Variants in CHSY3 observed in about 807,000 individuals in gnomAD.
CHSY3 encodes chondroitin sulfate synthase 3, also known as N-acetylgalactosaminyl-proteoglycan 3-beta-glucuronosyltransferase 3.
Under a neutral mutation model 67.2 loss-of-function variants are expected in CHSY3, and 35 were observed. The observed-to-expected ratio is 0.52, with a 90% CI of 0.40 to 0.69. CHSY3 has a LOEUF of 0.69. Ranked by LOEUF, CHSY3 falls within the 30% of genes least tolerant of loss-of-function variation. CHSY3 has a pLI of 0.00. For synonymous variants in CHSY3, 474 were observed against 434.7 expected, an observed-to-expected ratio of 1.09 and a Z score of -1.12; for missense variants, 1,069 against 1,138.5, an observed-to-expected ratio of 0.94 and a Z score of 0.88.
At chr5:130,078,673 T>C (rs951554068) in intron 2 of CHSY3, among the ~76,000 whole-genome samples, 17 of 152,268 alleles carry the variant, frequency 1.1e-4, no homozygotes, top group African/African-American at 4.1e-4. Context: ...GGACATAGGA[T>C]GCATAGCTGG....
intron 2 of CHSY3, among the ~76,000 whole-genome samples, chr5:130,118,644 G>A (rs1427382360): frequency 1.3e-5 from 2 of 152,088 alleles, no homozygotes; most frequent in African/African-American, 2.4e-5. Flanking sequence ...CTTTTCAGTA[G>A]TATTTTTGCA....
At chr5:130,111,386 G>A (rs1284757739) in intron 2 of CHSY3, among the ~76,000 whole-genome samples, 1 of 151,994 alleles carries the variant, frequency 6.6e-6, no homozygotes, top group African/African-American at 2.4e-5. Context: ...GAATATATAT[G>A]GCTAATTTTA....
intron 2 of CHSY3, among the ~76,000 whole-genome samples, chr5:129,986,889 T>C (rs1359140687): frequency 6.6e-6 from 1 of 152,168 alleles, no homozygotes; most frequent in Non-Finnish European, 1.5e-5. Flanking sequence ...GCAATCTGCC[T>C]GCCCTGGCCT....
intron 2 of CHSY3, among the ~76,000 whole-genome samples, chr5:130,170,067 T>C (rs1769857257): frequency 6.6e-6 from 1 of 152,172 alleles, no homozygotes; most frequent in South Asian, 2.1e-4. Flanking sequence ...ACAGGGCTTC[T>C]AGTGTACCTG....
intron 2 of CHSY3, among the ~76,000 whole-genome samples, chr5:130,027,686 T>C (rs559048126): frequency 2.0e-5 from 3 of 151,304 alleles, no homozygotes; most frequent in Admixed American, 1.3e-4. Context: ...GTGTTCTCAT[T>C]GTTCAATTCC....
At chr5:130,142,118 G>C (rs937866924) in intron 2 of CHSY3, among the ~76,000 whole-genome samples, 2 of 152,112 alleles carry the variant, frequency 1.3e-5, no homozygotes, top group African/African-American at 4.8e-5. Context: ...ACATAACTTT[G>C]CACTTTATAA....
chr5:130,183,269 G>A (rs929710820), intron 2 of CHSY3, among the ~76,000 whole-genome samples: 5 of 151,962 alleles, frequency 3.3e-5, no homozygotes, highest in Non-Finnish European at 7.4e-5. Flanking sequence ...GTTTCTGCCT[G>A]AACTAGTGAA....
chr5:130,176,518 A>G (rs1217213046), intron 2 of CHSY3, among the ~76,000 whole-genome samples: 1 of 152,252 alleles, frequency 6.6e-6, no homozygotes, highest in Admixed American at 6.5e-5. Flanking sequence ...ATTTTAAATC[A>G]TTCTACTATA....
intron 2 of CHSY3, among the ~76,000 whole-genome samples, chr5:130,035,018 G>A (rs1259928782): frequency 6.6e-6 from 1 of 152,104 alleles, no homozygotes; most frequent in Non-Finnish European, 1.5e-5. Context: ...GAAACAGCAA[G>A]TAAGTTCTTT....
At chr5:130,184,153 C>G in intron 2 of CHSY3, 76 bp from the exon 3 acceptor site, 1 of 1,301,808 alleles carries the variant, frequency 7.7e-7, no homozygotes, top group Non-Finnish European at 9.9e-7. Context: ...CATTTAGATG[C>G]TTTAGTTTAT....
chr5:130,043,065 C>G (rs1220386358), intron 2 of CHSY3, among the ~76,000 whole-genome samples: 1 of 151,960 alleles, frequency 6.6e-6, no homozygotes, highest in Non-Finnish European at 1.5e-5. Flanking sequence ...GAAACATTAT[C>G]CTTAATTGTG....
intron 2 of CHSY3, among the ~76,000 whole-genome samples, chr5:129,936,407 A>G (rs896990590): frequency 6.6e-6 from 1 of 152,094 alleles, no homozygotes; most frequent in Non-Finnish European, 1.5e-5. Flanking sequence ...CAGGGCCTAG[A>G]GTTTTGGGTC....
intron 2 of CHSY3, among the ~76,000 whole-genome samples, chr5:130,162,161 C>T (rs1252427445): frequency 6.6e-6 from 1 of 151,700 alleles, no homozygotes; most frequent in Non-Finnish European, 1.5e-5. Context: ...TACCTATTGA[C>T]ATTTTTGTGA....
At chr5:129,931,469 G>T (rs1171399287) in intron 2 of CHSY3, among the ~76,000 whole-genome samples, 1 of 152,088 alleles carries the variant, frequency 6.6e-6, no homozygotes, top group Non-Finnish European at 1.5e-5. Flanking sequence ...ATAGATATTT[G>T]ATCTATAGAT....
intron 2 of CHSY3, among the ~76,000 whole-genome samples, chr5:130,072,898 G>A (rs1163760407): frequency 6.6e-6 from 1 of 152,124 alleles, no homozygotes; most frequent in Non-Finnish European, 1.5e-5. Flanking sequence ...GGCACAGAAA[G>A]ACAAACACTT....
chr5:130,064,790 A>G (rs2149678598), intron 2 of CHSY3, among the ~76,000 whole-genome samples: 1 of 152,318 alleles, frequency 6.6e-6, no homozygotes, highest in Non-Finnish European at 1.5e-5. Flanking sequence ...GAGAAAAGAG[A>G]AAGTCTGGAT....
At chr5:130,023,145 C>G (rs1580659344) in intron 2 of CHSY3, among the ~76,000 whole-genome samples, 1 of 151,850 alleles carries the variant, frequency 6.6e-6, no homozygotes, top group East Asian at 1.9e-4. Flanking sequence ...ATGAAACCTT[C>G]AATTCTTTCT....
In CHSY3 at chr5:130,126,041, A is replaced by C. The variant is rs546951875; in HGVS notation, c.1087-58188A>C. On this transcript the variant is annotated intron_variant, in intron 2 of 2. Coordinates refer to ENST00000305031, the MANE Select transcript of CHSY3 (RefSeq NM_175856.5). Reference sequence around the variant, plus strand: ...ATAATACCTAGGATATGGTTTTTGCAATGCCTTTTTATATACTTTTTTATT... The same window carrying C: ...ATAATACCTAGGATATGGTTTTTGCCATGCCTTTTTATATACTTTTTTATT... Among the ~76,000 whole-genome samples the C allele has an allele frequency of 2.6e-5, 4 of 152,256 alleles. No individual in the cohort carries two copies. The South Asian group carries it at 8.3e-4, about 32-fold the overall frequency.
intron 1 of CHSY3, chr5:129,905,902 T>TACAC: frequency 1.5e-6 from 1 of 679,380 alleles, no homozygotes; most frequent in Non-Finnish European, 2.3e-6. Flanking sequence ...CGCTTGTCCC[T>TACAC]TAGTCTTTAC....
Sources: gnomAD v4.1 joint callset for allele counts (sites outside exome capture counted in the v4.1 genomes callset) on GRCh38, gnomAD v4.1.1 for gene constraint, MANE v1.5 for transcripts, NCBI Gene and HGNC (gene_info 2026-07-23, HGNC 2026-07-21) for gene names.